Variants in XRCC4 observed in about 807,000 individuals in gnomAD.
The protein encoded by XRCC4 is X-ray repair cross complementing 4, also known as DNA repair protein XRCC4.
XRCC4 carries 28 observed loss-of-function variants against 39.1 expected under a neutral mutation model. The observed-to-expected ratio is 0.72, with a 90% CI of 0.53 to 0.98. The LOEUF is 0.98. Ranked by LOEUF, XRCC4 falls within the 50% of genes least tolerant of loss-of-function variation. XRCC4 has a pLI of 0.00. For missense variants in XRCC4, 350 were observed against 376.4 expected (o/e 0.93, Z 0.58); for synonymous variants, 123 against 126.4 (o/e 0.97, Z 0.18).
intron 7 of XRCC4, 159 bp downstream of exon 7, chr5:83,258,836 G>A (rs1753651443): frequency 1.1e-6 from 1 of 937,922 alleles, no homozygotes; most frequent in Non-Finnish European, 1.5e-6. Flanking sequence ...TATTGTTTCA[G>A]TATTTGGTTA....
intron 7 of XRCC4, chr5:83,280,339 G>T: frequency 2.2e-6 from 1 of 446,620 alleles, no homozygotes; most frequent in Non-Finnish European, 4.2e-6. Context: ...CTCTATTCCT[G>T]ATACTAGATC....
At chr5:83,096,946 G>A (rs1044765815) in intron 1 of XRCC4, among the ~76,000 whole-genome samples, 1 of 152,124 alleles carries the variant, frequency 6.6e-6, no homozygotes, top group African/African-American at 2.4e-5. Context: ...TGATCTGCAT[G>A]GCCCCTGGAT....
chr5:83,107,991 G>GA (rs911617773), intron 2 of XRCC4, among the ~76,000 whole-genome samples: 4 of 151,534 alleles, frequency 2.6e-5, no homozygotes, highest in East Asian at 1.9e-4. Flanking sequence ...GTATCTGAAG[G>GA]AAAAAAATCT....
chr5:83,273,059 C>T (rs1307949282), intron 7 of XRCC4, among the ~76,000 whole-genome samples: 1 of 152,192 alleles, frequency 6.6e-6, no homozygotes, highest in East Asian at 1.9e-4. Context: ...TCAAAGCATT[C>T]CTATTCCTCC....
At chr5:83,334,022 C>T (rs1012236561) in intron 7 of XRCC4, among the ~76,000 whole-genome samples, 5 of 152,148 alleles carry the variant, frequency 3.3e-5, no homozygotes, top group Non-Finnish European at 5.9e-5. Context: ...CCCACCTCAG[C>T]CTCCCAAAGT....
chr5:83,350,680 C>T (rs1347189390), intron 7 of XRCC4, among the ~76,000 whole-genome samples: 1 of 152,026 alleles, frequency 6.6e-6, no homozygotes, highest in Non-Finnish European at 1.5e-5. Context: ...TTGACAGATG[C>T]ATATTTTGAG....
At chr5:83,352,732 T>A (rs1438715892) in intron 7 of XRCC4, among the ~76,000 whole-genome samples, 1 of 152,178 alleles carries the variant, frequency 6.6e-6, no homozygotes, top group Non-Finnish European at 1.5e-5. Flanking sequence ...GCTAAGAGAT[T>A]AAAATGCATG....
intron 7 of XRCC4, among the ~76,000 whole-genome samples, chr5:83,275,243 A>G (rs1456723154): frequency 6.6e-6 from 1 of 152,146 alleles, no homozygotes; most frequent in East Asian, 1.9e-4. Context: ...GAACTCAGAA[A>G]GAAACAGCTT....
intron 7 of XRCC4, among the ~76,000 whole-genome samples, chr5:83,348,392 C>T (rs1026202887): frequency 6.6e-6 from 1 of 152,274 alleles, no homozygotes; most frequent in Non-Finnish European, 1.5e-5. Flanking sequence ...AGCCTCAGCT[C>T]TTGCACTCTG....
rs1554065873 is a variant in XRCC4 at position 83,218,062 on chromosome 5, T to TATATATATATATATA, written c.745+13141_745+13142insATATATATATATATA. ...TTGAACTTCTCAGTCTTTACCTTTT[T>TATATATATATATATA]TATATATATATATATATTTATTAGA... On this transcript the variant is annotated intron_variant, in intron 6 of 7. Coordinates refer to ENST00000396027, the MANE Select transcript of XRCC4 (RefSeq NM_003401.5). 2.3e-3 allele frequency among the ~76,000 whole-genome samples: 336 copies of TATATATATATATATA among 147,596 alleles called. 3 individuals are homozygous for TATATATATATATATA. Among genetic ancestry groups the TATATATATATATATA allele is most frequent in the South Asian group, 9.3e-3 (43 of 4,628 alleles).
At chr5:83,250,395 A>T (rs1171116048) in intron 6 of XRCC4, among the ~76,000 whole-genome samples, 6 of 152,198 alleles carry the variant, frequency 3.9e-5, no homozygotes, top group Non-Finnish European at 8.8e-5. Context: ...TAAGTTATTT[A>T]TTATTAGGTT....
intron 1 of XRCC4, among the ~76,000 whole-genome samples, chr5:83,099,965 T>C (rs1745852397): frequency 6.6e-6 from 1 of 152,196 alleles, no homozygotes. Context: ...TTTTTCTGTT[T>C]CCATGGGTGA....
At chr5:83,188,249 C>T (rs1750541254) in intron 3 of XRCC4, among the ~76,000 whole-genome samples, 1 of 152,086 alleles carries the variant, frequency 6.6e-6, no homozygotes. Context: ...GATCTGCCTT[C>T]AAGCTCAGTG....
intron 1 of XRCC4, among the ~76,000 whole-genome samples, chr5:83,091,496 G>C (rs1745426428): frequency 6.6e-6 from 1 of 152,118 alleles, no homozygotes; most frequent in Non-Finnish European, 1.5e-5. Flanking sequence ...TGGGGACACA[G>C]CCAAACCATA....
chr5:83,199,640 ATTG>A (rs142426341), intron 4 of XRCC4, among the ~76,000 whole-genome samples: 4,676 of 151,960 alleles, frequency 0.031, 208 homozygotes, highest in African/African-American at 0.096. Context: ...TCTGCATGAA[ATTG>A]TTGTGTTTTT....
intron 6 of XRCC4, among the ~76,000 whole-genome samples, chr5:83,238,825 T>G (rs1204048426): frequency 6.6e-6 from 1 of 152,076 alleles, no homozygotes; most frequent in East Asian, 1.9e-4. Flanking sequence ...ATATAAAAGT[T>G]TTTAAGAAGA....
intron 3 of XRCC4, among the ~76,000 whole-genome samples, chr5:83,129,386 G>T (rs1580261756): frequency 2.0e-5 from 3 of 152,022 alleles, no homozygotes; most frequent in Non-Finnish European, 4.4e-5. Flanking sequence ...TAGCCTTGTA[G>T]TATAGTTTGA....
intron 6 of XRCC4, among the ~76,000 whole-genome samples, chr5:83,240,340 T>C (rs998486019): frequency 1.3e-5 from 2 of 151,442 alleles, no homozygotes; most frequent in African/African-American, 4.9e-5. Flanking sequence ...CTGACTGGAG[T>C]GTGGAGGATG....
At chr5:83,191,928 C>T (rs535672044) in intron 3 of XRCC4, among the ~76,000 whole-genome samples, 4 of 152,152 alleles carry the variant, frequency 2.6e-5, no homozygotes, top group East Asian at 1.9e-4. Flanking sequence ...TTAAAAAGAA[C>T]TTGGCCTGGG....
Sources: allele counts gnomAD v4.1 joint callset (sites outside exome capture counted in the v4.1 genomes callset), GRCh38; gene constraint gnomAD v4.1.1; transcripts MANE v1.5; gene names NCBI Gene and HGNC (gene_info 2026-07-23, HGNC 2026-07-21).